Variants in AUTS2 observed in about 807,000 individuals in gnomAD.
AUTS2 encodes the protein activator of transcription and developmental regulator AUTS2.
Under a neutral mutation model 112.4 loss-of-function variants are expected in AUTS2, and 17 were observed. The observed-to-expected ratio is 0.15, with a 90% CI of 0.10 to 0.23. The LOEUF is 0.23. Ranked by LOEUF, AUTS2 falls within the 10% of genes least tolerant of loss-of-function variation. The pLI, the probability that AUTS2 is intolerant of heterozygous loss-of-function variation, is 1.00. For synonymous variants in AUTS2, 751 were observed against 702.7 expected, an observed-to-expected ratio of 1.07 and a Z score of -1.09; for missense variants, 1,510 against 1,701.6, an observed-to-expected ratio of 0.89 and a Z score of 1.98.
At chr7:70,381,937 G>A (rs1176784231) in intron 4 of AUTS2, among the ~76,000 whole-genome samples, 1 of 152,088 alleles carries the variant, frequency 6.6e-6, no homozygotes, top group Non-Finnish European at 1.5e-5. Flanking sequence ...ACCAAGCACT[G>A]TTTTATAGGT....
chr7:70,513,614 C>T (rs1052139179), intron 5 of AUTS2, among the ~76,000 whole-genome samples: 2 of 152,056 alleles, frequency 1.3e-5, no homozygotes, highest in Non-Finnish European at 2.9e-5. Flanking sequence ...GACCTAACCC[C>T]CTTATTAAGA....
Position 70,588,912 on chromosome 7 carries a change from A to G in AUTS2, c.691-109657A>G, listed in dbSNP as rs1338417483. ...CATTTTTTTACATCTGAATTCGGGT[A>G]TTTCTGGAGTTTTTCTTTAGAAACC... is the stretch of plus-strand genomic sequence containing the variant. On this transcript the variant is annotated intron_variant, in intron 5 of 18. Transcript: ENST00000342771. Among the ~76,000 whole-genome samples the G allele has an allele frequency of 3.9e-5, 6 of 152,050 alleles. No homozygotes were observed. The East Asian group carries it at 1.2e-3, about 29-fold the overall frequency.
At chr7:69,768,568 G>C (rs1374170153) in intron 1 of AUTS2, among the ~76,000 whole-genome samples, 1 of 152,188 alleles carries the variant, frequency 6.6e-6, no homozygotes, top group Non-Finnish European at 1.5e-5. Context: ...TAAGCTGTCA[G>C]GTGTAGAAGA....
chr7:69,904,733 A>G (rs894979440), intron 2 of AUTS2, among the ~76,000 whole-genome samples: 1 of 152,214 alleles, frequency 6.6e-6, no homozygotes, highest in Admixed American at 6.5e-5. Context: ...GTTACAAGCT[A>G]AGGTATCAAA....
chr7:69,940,157 A>G (rs1244743489), intron 2 of AUTS2, among the ~76,000 whole-genome samples: 1 of 152,210 alleles, frequency 6.6e-6, no homozygotes, highest in African/African-American at 2.4e-5. Context: ...ACTTACAAAT[A>G]GCAGAGTCAG....
At chr7:70,219,517 A>G (rs769192168) in intron 4 of AUTS2, among the ~76,000 whole-genome samples, 2 of 151,816 alleles carry the variant, frequency 1.3e-5, no homozygotes, top group Non-Finnish European at 2.9e-5. Context: ...TGTATATAAC[A>G]TTTGTTTTGA....
At chr7:69,971,964 T>C (rs1797867249) in intron 2 of AUTS2, among the ~76,000 whole-genome samples, 1 of 152,170 alleles carries the variant, frequency 6.6e-6, no homozygotes, top group Non-Finnish European at 1.5e-5. Context: ...TGCTGGGTAG[T>C]ATGTATAGTA....
chr7:70,072,970 C>A (rs1802847216), intron 2 of AUTS2, among the ~76,000 whole-genome samples: 1 of 151,690 alleles, frequency 6.6e-6, no homozygotes, highest in Admixed American at 6.6e-5. Flanking sequence ...GATCATATGT[C>A]TATTTCAGCC....
intron 1 of AUTS2, among the ~76,000 whole-genome samples, chr7:69,788,026 T>C (rs1477895644): frequency 1.3e-5 from 2 of 152,226 alleles, no homozygotes; most frequent in Admixed American, 1.3e-4. Context: ...GAATTCCTGA[T>C]TGGTTCAGCT....
intron 4 of AUTS2, among the ~76,000 whole-genome samples, chr7:70,380,791 G>T (rs1793332562): frequency 6.6e-6 from 1 of 152,238 alleles, no homozygotes; most frequent in Non-Finnish European, 1.5e-5. Context: ...GCCAAAGTCA[G>T]CTGAATGGTG....
intron 5 of AUTS2, among the ~76,000 whole-genome samples, chr7:70,488,649 G>A (rs1223189282): frequency 1.3e-5 from 2 of 151,952 alleles, no homozygotes; most frequent in Non-Finnish European, 2.9e-5. Context: ...TTCCTCATGG[G>A]CCAGCCTGAA....
intron 5 of AUTS2, among the ~76,000 whole-genome samples, chr7:70,594,799 A>G (rs1803114329): frequency 6.6e-6 from 1 of 152,140 alleles, no homozygotes; most frequent in Non-Finnish European, 1.5e-5. Context: ...GGAGTGGGCA[A>G]TAAGAATTAT....
chr7:70,157,277 TC>T (rs1255361671), intron 4 of AUTS2, among the ~76,000 whole-genome samples: 1 of 152,038 alleles, frequency 6.6e-6, no homozygotes, highest in Non-Finnish European at 1.5e-5. Context: ...TCTCTTTTTC[TC>T]CTTTTTTTGT....
At chr7:70,247,879 T>G (rs1813009046) in intron 4 of AUTS2, among the ~76,000 whole-genome samples, 1 of 152,206 alleles carries the variant, frequency 6.6e-6, no homozygotes, top group Admixed American at 6.5e-5. Flanking sequence ...TGTTTTGTTT[T>G]TAGGTAGCTT....
chr7:70,606,637 G>A (rs571653276), intron 5 of AUTS2, among the ~76,000 whole-genome samples: 1 of 152,262 alleles, frequency 6.6e-6, no homozygotes, highest in South Asian at 2.1e-4. Flanking sequence ...GAGGCAGGCA[G>A]ATCGCCTGAG....
intron 2 of AUTS2, among the ~76,000 whole-genome samples, chr7:69,907,126 A>G (rs1584422557): frequency 6.6e-6 from 1 of 152,282 alleles, no homozygotes; most frequent in East Asian, 1.9e-4. Context: ...AAACCACACA[A>G]AACACCTATT....
chr7:69,914,903 T>C (rs1329389626), intron 2 of AUTS2, among the ~76,000 whole-genome samples: 2 of 152,208 alleles, frequency 1.3e-5, no homozygotes, highest in East Asian at 1.9e-4. Context: ...GTTTATTTCC[T>C]TTTAAAGTGG....
chr7:70,652,930 C>T (rs1422844317), intron 5 of AUTS2, among the ~76,000 whole-genome samples: 4 of 151,988 alleles, frequency 2.6e-5, no homozygotes, highest in Non-Finnish European at 5.9e-5. Flanking sequence ...ATATGACAAT[C>T]CTCCCCTCCC....
chr7:70,614,303 A>T (rs1804242804), intron 5 of AUTS2, among the ~76,000 whole-genome samples: 1 of 152,060 alleles, frequency 6.6e-6, no homozygotes, highest in Non-Finnish European at 1.5e-5. Flanking sequence ...TTTTTTTATG[A>T]AAGTGGGGAC....
Sources: allele counts gnomAD v4.1 joint callset (sites outside exome capture counted in the v4.1 genomes callset), GRCh38; gene constraint gnomAD v4.1.1; transcripts MANE v1.5; gene names NCBI Gene and HGNC (gene_info 2026-07-23, HGNC 2026-07-21).